AKAP6: variants seen among roughly 807,000 people sequenced by gnomAD.
The protein encoded by AKAP6 is A-kinase anchor protein 6.
In AKAP6, 58 loss-of-function variants were observed where a neutral mutation model predicts 188.5. The observed-to-expected ratio is 0.31, with a 90% CI of 0.25 to 0.38. AKAP6 has a LOEUF of 0.38. AKAP6 is among the 10% of genes least tolerant of loss of function. The pLI is 1.00. For missense variants in AKAP6, 2,710 were observed against 2,740.0 expected (o/e 0.99, Z 0.24); for synonymous variants, 989 against 998.6 (o/e 0.99, Z 0.18).
intron 7 of AKAP6, among the ~76,000 whole-genome samples, chr14:32,673,012 C>A (rs570358292): frequency 1.3e-5 from 2 of 152,214 alleles, no homozygotes; most frequent in Non-Finnish European, 2.9e-5. Flanking sequence ...CATCCTCCAT[C>A]GTCTATCCAC....
rs913489406 is a variant in AKAP6 at position 32,660,180 on chromosome 14, C to T, written c.2731-18131C>T. Among the ~76,000 whole-genome samples, 18 of 152,120 alleles carry T rather than the reference C, an allele frequency of 1.2e-4. No homozygotes were observed. The East Asian group carries it at 2.3e-3, about 20-fold the overall frequency. On this transcript the variant is annotated intron_variant, in intron 7 of 13. Coordinates refer to ENST00000280979, the MANE Select transcript of AKAP6 (RefSeq NM_004274.5). ...AGAGCTCACATATTTCATGTCACAC[C>T]GGTTTAACATTGGCTAGTTAGTAGA...
At chr14:32,527,599 T>C (rs1019443766) in intron 2 of AKAP6, among the ~76,000 whole-genome samples, 14 of 152,354 alleles carry the variant, frequency 9.2e-5, no homozygotes, top group African/African-American at 2.2e-4. Context: ...CAGCATTTGG[T>C]GTTGTCAATA....
intron 2 of AKAP6, among the ~76,000 whole-genome samples, chr14:32,521,443 A>G (rs973675432): frequency 6.6e-6 from 1 of 152,176 alleles, no homozygotes; most frequent in Non-Finnish European, 1.5e-5. Context: ...AAACCCCATC[A>G]TCTCAGCCTA....
At chr14:32,755,654 A>C (rs2032304255) in intron 11 of AKAP6, among the ~76,000 whole-genome samples, 1 of 152,024 alleles carries the variant, frequency 6.6e-6, no homozygotes, top group African/African-American at 2.4e-5. Context: ...TAGCCTCCTG[A>C]GTAGCTGACA....
intron 7 of AKAP6, among the ~76,000 whole-genome samples, chr14:32,627,071 G>A (rs544576143): frequency 6.4e-4 from 97 of 152,194 alleles, no homozygotes; most frequent in African/African-American, 2.0e-3. Flanking sequence ...TATAGAAGAA[G>A]AGATTATATA....
intron 2 of AKAP6, among the ~76,000 whole-genome samples, chr14:32,512,630 C>G (rs74889341): frequency 0.027 from 4,157 of 152,238 alleles, 74 homozygotes; most frequent in Non-Finnish European, 0.043. Flanking sequence ...CCAGAGGGGC[C>G]TCTGGAAAAG....
intron 2 of AKAP6, among the ~76,000 whole-genome samples, chr14:32,530,274 G>C (rs897626930): frequency 2.0e-5 from 3 of 152,038 alleles, no homozygotes; most frequent in Non-Finnish European, 2.9e-5. Context: ...CAATTCTCCT[G>C]CCTCAGTCTC....
At chr14:32,478,949 G>A (rs913396039) in intron 2 of AKAP6, among the ~76,000 whole-genome samples, 7 of 152,124 alleles carry the variant, frequency 4.6e-5, no homozygotes, top group African/African-American at 1.7e-4. Context: ...AAATTAGAGG[G>A]AGCTGAAGAA....
At chr14:32,629,412 C>CAA (rs5807669) in intron 7 of AKAP6, among the ~76,000 whole-genome samples, 5,756 of 89,854 alleles carry the variant, frequency 0.064, 178 homozygotes, top group African/African-American at 0.082. Context: ...GCGAGTTTCT[C>CAA]AAAAAAAAAA....
At chr14:32,514,060 A>G (rs1208242296) in intron 2 of AKAP6, among the ~76,000 whole-genome samples, 1 of 152,198 alleles carries the variant, frequency 6.6e-6, no homozygotes, top group Non-Finnish European at 1.5e-5. Context: ...ATTGCCTTAG[A>G]AAAGAATCCT....
At chr14:32,436,529 A>G (rs1354510775) in intron 2 of AKAP6, among the ~76,000 whole-genome samples, 1 of 152,178 alleles carries the variant, frequency 6.6e-6, no homozygotes, top group Non-Finnish European at 1.5e-5. Flanking sequence ...CTGCCATCCT[A>G]GTCAAGCCAC....
At chr14:32,722,544 C>A (rs942427254) in intron 9 of AKAP6, among the ~76,000 whole-genome samples, 1 of 152,098 alleles carries the variant, frequency 6.6e-6, no homozygotes, top group Non-Finnish European at 1.5e-5. Context: ...CCTGGCCCAC[C>A]ACGCCCCCTA....
At chr14:32,726,310 T>C in intron 9 of AKAP6, 1 of 650,916 alleles carries the variant, frequency 1.5e-6, no homozygotes, top group Non-Finnish European at 1.9e-6. Flanking sequence ...AGTACCCAAA[T>C]GAAGGGTTCT....
At chr14:32,559,292 A>C (rs1883827035) in intron 4 of AKAP6, among the ~76,000 whole-genome samples, 1 of 152,164 alleles carries the variant, frequency 6.6e-6, no homozygotes, top group African/African-American at 2.4e-5. Flanking sequence ...GATATGTGAC[A>C]TGTCTTAAGG....
chr14:32,392,522 G>A (rs879894401), intron 1 of AKAP6, among the ~76,000 whole-genome samples: 5 of 152,144 alleles, frequency 3.3e-5, no homozygotes, highest in Non-Finnish European at 7.4e-5. Flanking sequence ...CCTAGAAACA[G>A]TGAAAGCCCA....
At chr14:32,433,421 T>G in intron 1 of AKAP6, 39 bp from the exon 2 acceptor site, 1 of 1,368,246 alleles carries the variant, frequency 7.3e-7, no homozygotes, top group East Asian at 2.3e-5. Context: ...TTGGCAATCT[T>G]GACTGACTCT....
intron 1 of AKAP6, chr14:32,433,179 A>G (rs1472197520): frequency 1.7e-5 from 5 of 292,700 alleles, no homozygotes; most frequent in Middle Eastern, 1.1e-3. Flanking sequence ...ATGAACAGCT[A>G]AAAACCAGGA....
At chr14:32,778,558 A>G (rs2033140058) in intron 12 of AKAP6, among the ~76,000 whole-genome samples, 1 of 151,668 alleles carries the variant, frequency 6.6e-6, no homozygotes, top group Non-Finnish European at 1.5e-5. Flanking sequence ...ATTTGTTTGT[A>G]TTTTTAGATA....
chr14:32,367,614 A>G (rs955154308), intron 1 of AKAP6, among the ~76,000 whole-genome samples: 1 of 151,966 alleles, frequency 6.6e-6, no homozygotes, highest in Non-Finnish European at 1.5e-5. Context: ...CATTTTTATG[A>G]TTCATATTTT....
Sources: gnomAD v4.1 joint callset for allele counts (sites outside exome capture counted in the v4.1 genomes callset) on GRCh38, gnomAD v4.1.1 for gene constraint, MANE v1.5 for transcripts, NCBI Gene and HGNC (gene_info 2026-07-23, HGNC 2026-07-21) for gene names.